CRACD: variants seen among roughly 807,000 people sequenced by gnomAD.
CRACD encodes capping protein-inhibiting regulator of actin dynamics.
Under a neutral mutation model 106.8 loss-of-function variants are expected in CRACD, and 56 were observed. The ratio of observed to expected loss-of-function variants is 0.52; its 90% confidence interval spans 0.42 to 0.66. The LOEUF (loss-of-function observed/expected upper bound fraction) is 0.66, where lower values mean the gene tolerates loss of function less well. Ranked by LOEUF, CRACD falls within the 30% of genes least tolerant of loss-of-function variation. The pLI is 0.00. For missense variants in CRACD, 1,730 were observed against 1,623.2 expected, an observed-to-expected ratio of 1.07 and a Z score of -1.13; for synonymous variants, 754 against 670.8, an observed-to-expected ratio of 1.12 and a Z score of -1.92.
chr4:56,222,525 CCAA>C (rs745527748), intron 2 of CRACD, among the ~76,000 whole-genome samples: 23 of 151,842 alleles, frequency 1.5e-4, no homozygotes, highest in Non-Finnish European at 1.5e-4. Context: ...CACTTGTACC[CCAA>C]CAACAATTGA....
chr4:56,168,880 G>A (rs984670), intron 1 of CRACD, among the ~76,000 whole-genome samples: 50,506 of 151,902 alleles, frequency 0.33, 8,400 homozygotes, highest in Admixed American at 0.37. Flanking sequence ...GGATGAGTAG[G>A]TGAATGGGCA....
intron 3 of CRACD, among the ~76,000 whole-genome samples, chr4:56,279,013 T>C (rs1229481035): frequency 1.3e-5 from 2 of 152,194 alleles, no homozygotes; most frequent in Non-Finnish European, 1.5e-5. Flanking sequence ...TGAAGATATA[T>C]AGGGATTGGA....
In CRACD at chr4:56,153,347, A is replaced by G. The variant is rs1735652476; in HGVS notation, c.-335-25937A>G. On this transcript the variant is annotated intron_variant, in intron 1 of 10. Coordinates refer to ENST00000682029, the MANE Select transcript of CRACD (RefSeq NM_001393381.1). ...TTCCTCCTCTAGTCATCTCCGTCTC[A>G]GTAAACTGCATCATCACCCTCTTCA... is the stretch of plus-strand genomic sequence containing the variant. Among the ~76,000 whole-genome samples, 4 of 152,336 alleles carry G rather than the reference A, an allele frequency of 2.6e-5. No homozygotes were observed. The South Asian group carries it at 8.3e-4, about 32-fold the overall frequency.
At chr4:56,121,745 ATC>A (rs1257524579) in intron 1 of CRACD, among the ~76,000 whole-genome samples, 2 of 152,234 alleles carry the variant, frequency 1.3e-5, no homozygotes, top group African/African-American at 4.8e-5. Flanking sequence ...ATGTAGCTGA[ATC>A]CACTTCCACA....
intron 1 of CRACD, among the ~76,000 whole-genome samples, chr4:56,055,959 T>G (rs1029218100): frequency 6.6e-6 from 1 of 152,236 alleles, no homozygotes; most frequent in African/African-American, 2.4e-5. Context: ...CAAAAGCCTG[T>G]GCACATTTGT....
chr4:56,237,926 A>G (rs1412722435), intron 2 of CRACD, among the ~76,000 whole-genome samples: 1 of 147,098 alleles, frequency 6.8e-6, no homozygotes, highest in Non-Finnish European at 1.5e-5. Context: ...TATAACATGA[A>G]AATATATGTG....
At chr4:56,101,395 C>A (rs1006117678) in intron 1 of CRACD, among the ~76,000 whole-genome samples, 30 of 152,148 alleles carry the variant, frequency 2.0e-4, no homozygotes, top group Non-Finnish European at 1.3e-4. Context: ...ACATTTCTCT[C>A]CCTTCCCCTA....
intron 2 of CRACD, among the ~76,000 whole-genome samples, chr4:56,191,944 C>T (rs1249204802): frequency 6.6e-6 from 1 of 152,116 alleles, no homozygotes; most frequent in Non-Finnish European, 1.5e-5. Flanking sequence ...CTCTTGTTTT[C>T]ACAATACATC....
chr4:56,238,338 G>A (rs1740118160), intron 2 of CRACD, among the ~76,000 whole-genome samples: 1 of 152,194 alleles, frequency 6.6e-6, no homozygotes, highest in South Asian at 2.1e-4. Flanking sequence ...CTCTATATGT[G>A]GTCTCTCTAC....
At chr4:56,257,273 G>C (rs997321594) in intron 2 of CRACD, among the ~76,000 whole-genome samples, 1 of 151,876 alleles carries the variant, frequency 6.6e-6, no homozygotes, top group African/African-American at 2.4e-5. Flanking sequence ...GTAGAAATGA[G>C]GTTTTGCCAT....
chr4:56,200,697 C>A (rs1737840982), intron 2 of CRACD, among the ~76,000 whole-genome samples: 1 of 152,052 alleles, frequency 6.6e-6, no homozygotes, highest in African/African-American at 2.4e-5. Flanking sequence ...TTTTAATAGA[C>A]TTTATTTTTT....
Position 56,231,429 on chromosome 4 carries a change from T to C in CRACD, c.-188-40892T>C, listed in dbSNP as rs546098251. On this transcript the variant is annotated intron_variant, in intron 2 of 10. Coordinates refer to ENST00000682029, the MANE Select transcript of CRACD (RefSeq NM_001393381.1). ...ACTGTTCTCTAATATTAAAAGCTTC[T>C]GTTGCTTATCTTCTAAAGCTGACTG... 3.9e-5 allele frequency among the ~76,000 whole-genome samples: 6 copies of C among 152,362 alleles called. No homozygotes were observed. The South Asian group carries it at 1.2e-3, about 32-fold the overall frequency.
chr4:56,287,118 T>G (rs938400416), intron 3 of CRACD, among the ~76,000 whole-genome samples: 7 of 152,188 alleles, frequency 4.6e-5, no homozygotes, highest in Admixed American at 1.3e-4. Flanking sequence ...TTTTATTCTA[T>G]AACAGTCTTT....
chr4:56,244,426 C>T (rs1993917), intron 2 of CRACD, among the ~76,000 whole-genome samples: 108,306 of 152,008 alleles, frequency 0.71, 38,769 homozygotes, highest in Middle Eastern at 0.85. Flanking sequence ...ATGATGGGTT[C>T]AGTTTTAGAC....
intron 1 of CRACD, among the ~76,000 whole-genome samples, chr4:56,098,099 A>G (rs1171135636): frequency 6.6e-6 from 1 of 152,240 alleles, no homozygotes; most frequent in East Asian, 1.9e-4. Flanking sequence ...TGGGAAATCC[A>G]GTGAACTTAG....
Position 56,314,068 on chromosome 4 carries a change from A to G in CRACD, c.566A>G (p.Glu189Gly). ...CCACAACATGAGCAAGGCGGCCTTGAGAGTCGGCCCTGCCTGGACCAGAAC... is the reference window on the plus strand; with the variant it reads ...CCACAACATGAGCAAGGCGGCCTTGGGAGTCGGCCCTGCCTGGACCAGAAC... ...QDPQHEQGGL[E>G]SRPCLDQNGH... The change falls in exon 8 of 11, where the codon GAG becomes GGG. Residue 189 changes from glutamate (E) to glycine (G), a missense_variant. This residue lies in a region of CRACD where 1,620 missense variants were observed against 1,481.6 expected (regional missense o/e 1.09). Coordinates refer to ENST00000682029, the MANE Select transcript of CRACD (RefSeq NM_001393381.1). This position sits in a 1 kb window ranked among gnomAD's most constrained non-coding sequence, Gnocchi z 4.4. 1 of 1,614,038 alleles carries G rather than the reference A, an allele frequency of 6.2e-7. No individual in the cohort carries two copies. The highest frequency in any genetic ancestry group is 8.5e-7 in the Non-Finnish European group (1 of 1,179,970).
At chr4:56,200,923 A>G (rs1028850716) in intron 2 of CRACD, among the ~76,000 whole-genome samples, 1 of 152,216 alleles carries the variant, frequency 6.6e-6, no homozygotes, top group Non-Finnish European at 1.5e-5. Context: ...AATCATCACC[A>G]CTAATTTCAG....
At chr4:56,105,503 A>G (rs1411820961) in intron 1 of CRACD, among the ~76,000 whole-genome samples, 1 of 152,192 alleles carries the variant, frequency 6.6e-6, no homozygotes, top group Non-Finnish European at 1.5e-5. Context: ...ATATATAGAT[A>G]TACTAATCTG....
At chr4:56,313,928 C>G (rs1577899828) in intron 7 of CRACD, 112 bp from the exon 8 acceptor site, 1 of 1,378,946 alleles carries the variant, frequency 7.3e-7, no homozygotes, top group East Asian at 2.3e-5. Flanking sequence ...AGAATACCTG[C>G]TTCCAGGTGT....
Sources: gnomAD v4.1 joint callset for allele counts (sites outside exome capture counted in the v4.1 genomes callset) on GRCh38, gnomAD v4.1.1 for gene constraint, gnomAD v4.1.1 regional missense constraint, Gnocchi (gnomAD v3.1) non-coding constraint, MANE v1.5 for transcripts, NCBI Gene and HGNC (gene_info 2026-07-23, HGNC 2026-07-21) for gene names.